The following COL4A5 variants were observed in gnomAD, a reference collection of about 807,000 sequenced individuals.
COL4A5 encodes the protein collagen alpha-5(IV) chain.
COL4A5 carries 26 observed loss-of-function variants against 130.2 expected under a neutral mutation model. The ratio of observed to expected loss-of-function variants is 0.20; its 90% CI spans 0.15 to 0.28. COL4A5 has a LOEUF of 0.28. COL4A5 is among the 10% of genes least tolerant of loss of function. The pLI is 1.00. For missense variants in COL4A5, 1,131 were observed against 1,344.3 expected, an observed-to-expected ratio of 0.84 and a Z score of 2.48; for synonymous variants, 496 against 439.6, an observed-to-expected ratio of 1.13 and a Z score of -1.60.
intron 16 of COL4A5, 151 bp from the exon 17 acceptor site, chrX:108,582,733 A>C: frequency 2.5e-6 from 1 of 394,444 alleles, no homozygotes; most frequent in Non-Finnish European, 4.6e-6. Flanking sequence ...ACACTCCTTG[A>C]ATTGCTGCAA....
At chrX:108,571,623 T>G (rs1603279858) in intron 7 of COL4A5, among the ~76,000 whole-genome samples, 157 bp downstream of exon 7, 1 of 111,624 alleles carries the variant, frequency 9.0e-6, no homozygotes, top group East Asian at 2.8e-4. Flanking sequence ...GTAATATAGC[T>G]TTCTCCTGGG....
chrX:108,533,241 T>C (rs1300518535), intron 1 of COL4A5, among the ~76,000 whole-genome samples: 4 of 111,394 alleles, frequency 3.6e-5, no homozygotes, highest in Non-Finnish European at 5.7e-5. Context: ...TCATAGCCAA[T>C]TGATCTTCAA....
At chrX:108,548,137 C>T (rs2065693924) in intron 2 of COL4A5, among the ~76,000 whole-genome samples, 1 of 111,634 alleles carries the variant, frequency 9.0e-6, no homozygotes, top group South Asian at 3.8e-4. Context: ...GTCTGACAAT[C>T]CCCAGTGAGG....
At chrX:108,456,985 CG>C (rs2064591048) in intron 1 of COL4A5, among the ~76,000 whole-genome samples, 1 of 110,880 alleles carries the variant, frequency 9.0e-6, no homozygotes, top group South Asian at 3.8e-4. Context: ...GCACAGGCTT[CG>C]GGGGTCTGTG....
At chrX:108,601,509 G>A in intron 26 of COL4A5, 24 bp downstream of exon 26, 1 of 812,768 alleles carries the variant, frequency 1.2e-6, no homozygotes, top group East Asian at 3.4e-5. Flanking sequence ...TTATTTCAAA[G>A]TAACTTCAAC....
In COL4A5 at chrX:108,693,242, G is replaced by A. The variant is rs1393919159; in HGVS notation, c.4706+317G>A. Among the ~76,000 whole-genome samples, 3 of 111,334 alleles carry A rather than the reference G, an allele frequency of 2.7e-5. No homozygotes were observed. In the Admixed American group the frequency reaches 2.9e-4, roughly 11 times the overall value. Reference sequence around the variant, plus strand: ...TAATAAAAATGTTATGAAAACATAGGGAAAGAGATGTTTAGTTTCAACTGG... The same window carrying A: ...TAATAAAAATGTTATGAAAACATAGAGAAAGAGATGTTTAGTTTCAACTGG... On this transcript the variant is annotated intron_variant, in intron 50 of 52. Transcript: ENST00000328300.
chrX:108,528,421 C>A (rs1349202369), intron 1 of COL4A5, among the ~76,000 whole-genome samples: 1 of 112,511 alleles, frequency 8.9e-6, no homozygotes, highest in Non-Finnish European at 1.9e-5. Flanking sequence ...ATGATTGTTA[C>A]ACCAGATGCA....
intron 36 of COL4A5, among the ~76,000 whole-genome samples, chrX:108,636,557 G>A (rs2067357873): frequency 9.1e-6 from 1 of 110,493 alleles, no homozygotes; most frequent in Admixed American, 9.8e-5. Flanking sequence ...ATGAGATAAA[G>A]GATTTGTATA....
intron 33 of COL4A5, 97 bp from the exon 34 acceptor site, chrX:108,624,139 C>G: frequency 1.6e-6 from 1 of 638,410 alleles, no homozygotes; most frequent in Middle Eastern, 4.3e-4. Context: ...TCCTCTAATT[C>G]ACTTATAGTT....
chrX:108,542,611 G>A (rs1243425729), intron 2 of COL4A5, among the ~76,000 whole-genome samples: 2 of 108,096 alleles, frequency 1.9e-5, no homozygotes, highest in African/African-American at 7.3e-5. Flanking sequence ...ATAATCCTTT[G>A]GGTATATACC....
chrX:108,612,542 A>G (rs1355239697), intron 29 of COL4A5, among the ~76,000 whole-genome samples: 1 of 111,902 alleles, frequency 8.9e-6, no homozygotes, highest in Non-Finnish European at 1.9e-5. Context: ...AAAACAGTAT[A>G]ATTTACAATA....
intron 1 of COL4A5, among the ~76,000 whole-genome samples, chrX:108,537,615 G>T (rs969374209): frequency 9.0e-6 from 1 of 111,454 alleles, no homozygotes; most frequent in African/African-American, 3.3e-5. Flanking sequence ...ATTTTTAGGA[G>T]CTTAATTTGT....
rs1299017945 is a variant in COL4A5, at chrX:108,627,426, G to A, written c.3246+1077G>A. 1.1e-5 allele frequency: 8 copies of A among 728,821 alleles called. No individual in the cohort carries two copies. The African/African-American group carries it at 1.2e-4, about 11-fold the overall frequency. The allele number at this position is 728,821 out of a possible 1,213,427, so 60.1% of individuals were successfully genotyped here. A position where few individuals can be genotyped will look rare whatever the true frequency, so the allele number is the denominator to read the frequency against. Reference sequence around the variant, plus strand: ...GTTTGGGGTTTTTTCTACACATTGTGTATATGTAGAATCATGGTATGCATG... The same window carrying A: ...GTTTGGGGTTTTTTCTACACATTGTATATATGTAGAATCATGGTATGCATG... On this transcript the variant is annotated intron_variant, in intron 36 of 52. Transcript: ENST00000328300.
chrX:108,654,345 C>CT (rs56956014), intron 36 of COL4A5, among the ~76,000 whole-genome samples: 11,740 of 112,505 alleles, frequency 0.1, 1,305 homozygotes, highest in African/African-American at 0.34. Context: ...GGAGTTAAGA[C>CT]TGCATATATG....
chrX:108,581,975 C>T (rs2066258038), intron 16 of COL4A5, among the ~76,000 whole-genome samples: 1 of 110,076 alleles, frequency 9.1e-6, no homozygotes, highest in Admixed American at 9.8e-5. Context: ...TATGTAAGTC[C>T]AAGAACATTA....
chrX:108,601,362 T>C, intron 25 of COL4A5, 31 bp from the exon 26 acceptor site: 1 of 1,003,118 alleles, frequency 1.0e-6, no homozygotes, highest in Non-Finnish European at 1.4e-6. Context: ...TAAATACTTC[T>C]CATTTACCAT....
chrX:108,673,821 C>T (rs1170224290), intron 42 of COL4A5, among the ~76,000 whole-genome samples: 1 of 108,949 alleles, frequency 9.2e-6, no homozygotes, highest in Non-Finnish European at 1.9e-5. Context: ...GTGGGTGGAT[C>T]ACCTGAGGTC....
At chrX:108,507,876 A>G (rs1222049998) in intron 1 of COL4A5, among the ~76,000 whole-genome samples, 1 of 111,654 alleles carries the variant, frequency 9.0e-6, no homozygotes, top group African/African-American at 3.3e-5. Flanking sequence ...TAGGTATTGA[A>G]GGAACATGCC....
intron 18 of COL4A5, among the ~76,000 whole-genome samples, chrX:108,585,544 C>T (rs1317210471): frequency 9.0e-6 from 1 of 110,987 alleles, no homozygotes; most frequent in East Asian, 2.8e-4. Flanking sequence ...ATCTTAGGTC[C>T]CACAACTTTT....
Sources: gnomAD v4.1 joint callset for allele counts (sites outside exome capture counted in the v4.1 genomes callset) on GRCh38, gnomAD v4.1.1 for gene constraint, MANE v1.5 for transcripts, NCBI Gene and HGNC (gene_info 2026-07-23, HGNC 2026-07-21) for gene names.